The following GP6 variants were observed in gnomAD, a reference collection of about 807,000 sequenced individuals.
GP6 encodes the protein platelet glycoprotein VI.
A neutral mutation model predicts 37.3 loss-of-function variants in GP6; 45 were observed. The ratio of observed to expected loss-of-function variants is 1.21; its 90% CI spans 0.95 to 1.55. GP6 has a LOEUF of 1.55. GP6 is among the 40% of genes most tolerant of loss of function. GP6 has a pLI of 0.00. For synonymous variants in GP6, 340 were observed against 316.4 expected, an observed-to-expected ratio of 1.07 and a Z score of -0.79; for missense variants, 813 against 760.2, an observed-to-expected ratio of 1.07 and a Z score of -0.82.
intron 5 of GP6, 139 bp from the exon 6 acceptor site, chr19:55,018,850 T>G: frequency 1.4e-6 from 1 of 728,252 alleles, no homozygotes; most frequent in Non-Finnish European, 2.6e-6. Flanking sequence ...ACAGACAAAT[T>G]CGAAAGGTGT....
At chr19:55,032,696 G>A (rs893570865) in intron 1 of GP6, 158 bp from the exon 2 acceptor site, 51 of 828,696 alleles carry the variant, frequency 6.2e-5, no homozygotes, top group Middle Eastern at 3.0e-4. Context: ...GAGAGAAACC[G>A]GTCAGAAAAA....
At chr19:55,021,520 G>GGT (rs556854980) in intron 5 of GP6, among the ~76,000 whole-genome samples, 48,563 of 125,978 alleles carry the variant, frequency 0.39, 9,388 homozygotes, top group East Asian at 0.59. Flanking sequence ...ACTTTTGTTG[G>GGT]TTTTTTTTTT....
intron 4 of GP6, among the ~76,000 whole-genome samples, chr19:55,025,728 G>T (rs1342810698): frequency 6.6e-6 from 1 of 151,094 alleles, no homozygotes; most frequent in African/African-American, 2.4e-5. Flanking sequence ...TTAGCCAGGC[G>T]TGGTGGCTCA....
chr19:55,025,926 CAGG>C (rs1243767740), intron 4 of GP6, among the ~76,000 whole-genome samples: 2 of 144,670 alleles, frequency 1.4e-5, no homozygotes, highest in Non-Finnish European at 3.0e-5. Context: ...CGCTTAAACC[CAGG>C]AGGTGGAGGT....
At chr19:55,027,894 C>T (rs1461399317) in intron 3 of GP6, 32 bp from the exon 4 acceptor site, 3 of 1,611,016 alleles carry the variant, frequency 1.9e-6, no homozygotes, top group Non-Finnish European at 2.5e-6. Flanking sequence ...ATGTTGAAGG[C>T]AGGAGCCAGC....
chr19:55,032,155 C>T lies in GP6; in HGVS notation c.309G>A (p.Leu103=), dbSNP rs1188230621. Residue 103 remains leucine, a synonymous_variant, in exon 3 of 8, where the codon CTG becomes CTA. Transcript: ENST00000310373. ...TTCCTTTACCCGTGGCAACGAGCTC[C>T]AGCTGGTCGCTGGGCAGGGACCAGA... 9.9e-6 allele frequency: 16 copies of T among 1,613,856 alleles called. No homozygotes were observed. Among genetic ancestry groups the T allele is most frequent in the Non-Finnish European group, 1.3e-5 (15 of 1,179,954 alleles).
chr19:55,019,957 C>T (rs2074017974), intron 5 of GP6, among the ~76,000 whole-genome samples: 2 of 152,120 alleles, frequency 1.3e-5, no homozygotes, highest in East Asian at 1.9e-4. Context: ...GGAATACAGG[C>T]GTGAGCCACC....
Position 55,014,331 on chromosome 19 carries a change from C to T in GP6, c.1614G>A (p.Lys538=), listed in dbSNP as rs749092940. 1 of 1,602,896 alleles carries T rather than the reference C, an allele frequency of 6.2e-7. No homozygotes were observed. The highest frequency in any genetic ancestry group is 1.3e-5 in the African/African-American group (1 of 74,794). Residue 538 remains lysine (K), a synonymous_variant, in exon 8 of 8, where the codon AAG becomes AAA. Coordinates refer to ENST00000310373, the MANE Select transcript of GP6 (RefSeq NM_001083899.2). ...GTTTCACCATGTTGCACAGGCTGATCTTGTTTTCTAATGTGAAGGGAAGCG... is the reference window on the plus strand; with the variant it reads ...GTTTCACCATGTTGCACAGGCTGATTTTGTTTTCTAATGTGAAGGGAAGCG...
chr19:55,024,415 A>G (rs576389064), intron 5 of GP6, among the ~76,000 whole-genome samples: 1 of 149,004 alleles, frequency 6.7e-6, no homozygotes, highest in African/African-American at 2.5e-5. Context: ...CACTAGGCAT[A>G]ATAGCCCTCA....
chr19:55,015,642 G>T, intron 7 of GP6, 41 bp downstream of exon 7: 2 of 1,263,632 alleles, frequency 1.6e-6, no homozygotes, highest in Non-Finnish European at 2.3e-6. Context: ...GTGAAGAGAC[G>T]GGTGAGAAGG....
chr19:55,031,396 T>C (rs1217053032), intron 3 of GP6, among the ~76,000 whole-genome samples: 1 of 152,036 alleles, frequency 6.6e-6, no homozygotes, highest in Non-Finnish European at 1.5e-5. Context: ...TGACTGCTCC[T>C]ATGAACAGCC....
At chr19:55,016,097 G>A (rs1226723765) in intron 6 of GP6, among the ~76,000 whole-genome samples, 1 of 151,492 alleles carries the variant, frequency 6.6e-6, no homozygotes, top group Non-Finnish European at 1.5e-5. Flanking sequence ...AGCCAGGATT[G>A]TACCACTGCA....
chr19:55,024,399 C>T (rs959930636), intron 5 of GP6, among the ~76,000 whole-genome samples: 11 of 149,868 alleles, frequency 7.3e-5, no homozygotes, highest in Admixed American at 4.7e-4. Flanking sequence ...CTTCCATGTC[C>T]CTGCCCACTA....
chr19:55,018,565 A>C (rs1671192), intron 6 of GP6, 87 bp downstream of exon 6: 1 of 846,928 alleles, frequency 1.2e-6, no homozygotes, highest in African/African-American at 1.7e-5. Context: ...CGGTGAAGTG[A>C]TTAAAAGCCT....
At chr19:55,018,518 T>G (rs2073958169) in intron 6 of GP6, 134 bp downstream of exon 6, 3 of 773,620 alleles carry the variant, frequency 3.9e-6, no homozygotes, top group Non-Finnish European at 7.2e-6. Flanking sequence ...TGCTCTAGCC[T>G]CACACCAAGG....
chr19:55,015,860 G>A (rs994888707), intron 6 of GP6, 127 bp from the exon 7 acceptor site: 62 of 715,974 alleles, frequency 8.7e-5, no homozygotes, highest in Admixed American at 5.2e-4. Context: ...AGCATGGGCC[G>A]GGCACGGTGC....
rs1480415764 is a variant in GP6 at position 55,015,059 on chromosome 19, C to A, written c.886G>T (p.Glu296Ter). 12 of 1,606,566 alleles carry A rather than the reference C, an allele frequency of 7.5e-6. No individual in the cohort carries two copies. The highest frequency in any genetic ancestry group is 1.7e-5 in the Admixed American group (1 of 58,720). Reference sequence around the variant, plus strand: ...TGCCCCTGTGCCGCAGGCGCTTCCTCCGGCTGTGCCAGTCCTCTGCCAGAA... The same window carrying A: ...TGCCCCTGTGCCGCAGGCGCTTCCTACGGCTGTGCCAGTCCTCTGCCAGAA... Residue 296 changes from glutamate to a stop codon, truncating the protein, a stop_gained, in exon 8 of 8, where the codon GAG becomes TAG. Coordinates refer to ENST00000310373, the MANE Select transcript of GP6 (RefSeq NM_001083899.2). LOFTEE classifies it low-confidence loss of function (END_TRUNC).
rs748445118 is a variant in GP6, at chr19:55,014,796, A to G, written c.1149T>C (p.His383=). The G allele has an allele frequency of 2.5e-6, 4 of 1,613,818 alleles. No homozygotes were observed. In the African/African-American group the frequency reaches 4.0e-5, roughly 16 times the overall value. ...TGATGGAACACCAGGAGGAGGCAGCATGGCCTCGTTTCCACAGCTGTAGCC... is the reference window on the plus strand; with the variant it reads ...TGATGGAACACCAGGAGGAGGCAGCGTGGCCTCGTTTCCACAGCTGTAGCC... Residue 383 remains histidine (H), a synonymous_variant, in exon 8 of 8, where the codon CAT becomes CAC. Transcript: ENST00000310373.
intron 3 of GP6, among the ~76,000 whole-genome samples, chr19:55,028,284 G>C (rs913302162): frequency 3.3e-5 from 5 of 152,188 alleles, no homozygotes; most frequent in Admixed American, 6.5e-5. Flanking sequence ...CAATTGTTAC[G>C]TTGTAAATGT....
Sources: allele counts gnomAD v4.1 joint callset (sites outside exome capture counted in the v4.1 genomes callset), GRCh38; gene constraint gnomAD v4.1.1; transcripts MANE v1.5; gene names NCBI Gene and HGNC (gene_info 2026-07-23, HGNC 2026-07-21).